The following CDK6 variants were observed in gnomAD, a reference collection of about 807,000 sequenced individuals.
CDK6 encodes the protein cyclin-dependent kinase 6.
CDK6 carries 6 observed loss-of-function variants against 37.1 expected under a neutral mutation model. That is an observed-to-expected ratio of 0.16 (90% CI 0.09 to 0.32). CDK6 has a LOEUF of 0.32. CDK6 is among the 10% of genes least tolerant of loss of function. The pLI, the probability that CDK6 is intolerant of heterozygous loss-of-function variation, is 1.00. For synonymous variants in CDK6, 160 were observed against 161.3 expected (o/e 0.99, Z 0.06); for missense variants, 224 against 418.9 (o/e 0.53, Z 4.06).
At chr7:92,705,049 G>A (rs1227669095) in intron 4 of CDK6, among the ~76,000 whole-genome samples, 1 of 152,156 alleles carries the variant, frequency 6.6e-6, no homozygotes, top group African/African-American at 2.4e-5. Context: ...CATCGAACTG[G>A]TGAGTTTTGT....
In CDK6 at chr7:92,744,185, G is replaced by A. The variant is rs574929481; in HGVS notation, c.370-18392C>T. Among the ~76,000 whole-genome samples the A allele has an allele frequency of 2.6e-5, 4 of 152,262 alleles. 1 individual carries two copies. The South Asian group carries it at 6.2e-4, about 24-fold the overall frequency. On this transcript the variant is annotated intron_variant, in intron 3 of 7. Coordinates refer to ENST00000424848, the MANE Select transcript of CDK6 (RefSeq NM_001145306.2). The stretch of plus-strand genomic sequence containing the variant: ...CTGTTCTCACACTGCTAATAAAGAC[G>A]TATCAGAGACTGGGTAACTTACAAA...
intron 4 of CDK6, among the ~76,000 whole-genome samples, chr7:92,723,984 T>TG (rs1435815313): frequency 6.6e-6 from 1 of 152,000 alleles, no homozygotes; most frequent in Non-Finnish European, 1.5e-5. Flanking sequence ...AGTGCCCATT[T>TG]GGGGGGATTA....
At chr7:92,658,151 TAA>T (rs1796747242) in intron 5 of CDK6, among the ~76,000 whole-genome samples, 1 of 152,188 alleles carries the variant, frequency 6.6e-6, no homozygotes, top group Non-Finnish European at 1.5e-5. Flanking sequence ...CACCTCAAGC[TAA>T]AAACAGAGTT....
chr7:92,770,476 G>A (rs1045397641), intron 3 of CDK6, among the ~76,000 whole-genome samples: 52 of 152,012 alleles, frequency 3.4e-4, no homozygotes, highest in South Asian at 4.2e-4. Context: ...CATGAGCACC[G>A]TGCAATAATT....
chr7:92,608,554 C>CA lies in CDK6; in HGVS notation c.*6585dup, dbSNP rs1418328382. The CA allele has an allele frequency of 4.3e-6, 1 of 231,536 alleles. No homozygotes were observed. Among genetic ancestry groups the CA allele is most frequent in the Non-Finnish European group, 8.5e-6 (1 of 117,040 alleles). 14.3% of individuals were successfully genotyped at this position (231,536 alleles called of 1,614,324 possible). ...ATTATACATCTTTTCTTTAAAAAAACAAAAACAAAAACAAAAACTGAGCTT... is the reference window on the plus strand; with the variant it reads ...ATTATACATCTTTTCTTTAAAAAAACAAAAAACAAAAACAAAAACTGAGCTT... On this transcript the variant is annotated 3_prime_UTR_variant, in exon 8 of 8. Coordinates refer to ENST00000424848, the MANE Select transcript of CDK6 (RefSeq NM_001145306.2).
At position 92,672,198 on chromosome 7, in the gene CDK6, C is replaced by CACACACAG. The variant is rs1554401718; in HGVS notation, c.538-664_538-663insCTGTGTGT. On this transcript the variant is annotated intron_variant, in intron 4 of 7. Transcript: ENST00000424848. ...ACACACACACAGACACATACACACACACACACACACACACACACACACACA... is the reference window on the plus strand; with the variant it reads ...ACACACACACAGACACATACACACACACACACAGACACACACACACACACACACACACA... Among the ~76,000 whole-genome samples the CACACACAG allele has an allele frequency of 3.5e-3, 409 of 118,284 alleles. 4 individuals are homozygous for CACACACAG. Among genetic ancestry groups the CACACACAG allele is most frequent in the Non-Finnish European group, 6.0e-3 (349 of 58,042 alleles). 77.6% of individuals were successfully genotyped at this position (118,284 alleles called of 152,430 possible).
chr7:92,634,931 G>A (rs186333989), intron 5 of CDK6, among the ~76,000 whole-genome samples: 4 of 152,124 alleles, frequency 2.6e-5, no homozygotes, highest in East Asian at 1.9e-4. Context: ...AGGGACATGT[G>A]GGGGGATGTA....
intron 4 of CDK6, among the ~76,000 whole-genome samples, chr7:92,675,353 T>G (rs1797180224): frequency 6.6e-6 from 1 of 152,246 alleles, no homozygotes; most frequent in African/African-American, 2.4e-5. Context: ...AAATGCTTTT[T>G]AAAATGTCTA....
At chr7:92,674,526 A>T (rs1196764816) in intron 4 of CDK6, among the ~76,000 whole-genome samples, 1 of 152,230 alleles carries the variant, frequency 6.6e-6, no homozygotes, top group Non-Finnish European at 1.5e-5. Context: ...TCCAAAAGGG[A>T]AGGTATTGTT....
chr7:92,636,021 T>G (rs1250386033), intron 5 of CDK6, among the ~76,000 whole-genome samples: 2 of 152,118 alleles, frequency 1.3e-5, no homozygotes, highest in Non-Finnish European at 2.9e-5. Flanking sequence ...CCGTAGCACA[T>G]TTAAAAAAAA....
intron 2 of CDK6, among the ~76,000 whole-genome samples, chr7:92,788,600 T>G (rs1282897845): frequency 6.6e-6 from 1 of 152,204 alleles, no homozygotes; most frequent in Non-Finnish European, 1.5e-5. Context: ...GCACCATTAT[T>G]ATGATCACTT....
At chr7:92,661,478 A>G (rs1796833998) in intron 5 of CDK6, among the ~76,000 whole-genome samples, 1 of 152,208 alleles carries the variant, frequency 6.6e-6, no homozygotes, top group Admixed American at 6.5e-5. Context: ...CCTTACCAAT[A>G]GCAAACAGCT....
intron 3 of CDK6, among the ~76,000 whole-genome samples, chr7:92,731,185 CA>C (rs1282211618): frequency 1.3e-5 from 2 of 152,182 alleles, no homozygotes; most frequent in Non-Finnish European, 2.9e-5. Context: ...TTTCATTGAT[CA>C]ATTTGCAATG....
intron 2 of CDK6, among the ~76,000 whole-genome samples, chr7:92,783,006 G>T (rs1800034351): frequency 6.6e-6 from 1 of 152,034 alleles, no homozygotes. Flanking sequence ...TCCTCCATTC[G>T]CATGTCCACT....
intron 4 of CDK6, among the ~76,000 whole-genome samples, chr7:92,721,390 C>T (rs1184523359): frequency 6.6e-6 from 1 of 152,094 alleles, no homozygotes; most frequent in East Asian, 1.9e-4. Flanking sequence ...TTGTGTGCTC[C>T]ATGAAGGGAG....
intron 2 of CDK6, among the ~76,000 whole-genome samples, chr7:92,785,146 C>T (rs1318942854): frequency 6.6e-6 from 1 of 152,120 alleles, no homozygotes; most frequent in Non-Finnish European, 1.5e-5. Context: ...TGTCCATCAA[C>T]TGATGAATGC....
chr7:92,740,774 T>C (rs533097573), intron 3 of CDK6, among the ~76,000 whole-genome samples: 29 of 152,234 alleles, frequency 1.9e-4, no homozygotes, highest in African/African-American at 7.0e-4. Context: ...GAGCGAACAG[T>C]GAAGGCGGGA....
At position 92,609,907 on chromosome 7, in the gene CDK6, T is replaced by C. The variant is rs1434302565; in HGVS notation, c.*5233A>G. The C allele has an allele frequency of 4.3e-6, 1 of 230,534 alleles. No individual in the cohort carries two copies. The highest frequency in any genetic ancestry group is 8.6e-6 in the Non-Finnish European group (1 of 116,508). The allele number at this position is 230,534 out of a possible 1,614,324, so 14.3% of individuals were successfully genotyped here. The stretch of plus-strand genomic sequence containing the variant: ...TTAAGAACAATTTATTTGCAGACAA[T>C]TGTTCAGAACCTAGGTAACAAGTAA... On this transcript the variant is annotated 3_prime_UTR_variant, in exon 8 of 8. Transcript: ENST00000424848.
intron 2 of CDK6, among the ~76,000 whole-genome samples, chr7:92,789,904 C>T (rs999573149): frequency 5.3e-5 from 8 of 152,176 alleles, no homozygotes; most frequent in African/African-American, 1.9e-4. Flanking sequence ...GGCCTCTCTC[C>T]TTCTTGATCT....
Sources: gnomAD v4.1 joint callset for allele counts (sites outside exome capture counted in the v4.1 genomes callset) on GRCh38, gnomAD v4.1.1 for gene constraint, MANE v1.5 for transcripts, NCBI Gene and HGNC (gene_info 2026-07-23, HGNC 2026-07-21) for gene names.